ACSS1: variants seen among roughly 807,000 people sequenced by gnomAD.
The protein encoded by ACSS1 is acyl-CoA synthetase short chain family member 1.
In ACSS1, 42 loss-of-function variants were observed where a neutral mutation model predicts 75.3. The observed-to-expected ratio is 0.56, with a 90% CI of 0.44 to 0.72. ACSS1 has a LOEUF of 0.72. Ranked by LOEUF, ACSS1 falls within the 30% of genes least tolerant of loss-of-function variation. ACSS1 has a pLI of 0.00. For missense variants in ACSS1, 782 were observed against 935.7 expected (o/e 0.84, Z 2.14); for synonymous variants, 380 against 376.8 (o/e 1.01, Z -0.10).
At chr20:25,021,088 G>A (rs979078541) in intron 6 of ACSS1, among the ~76,000 whole-genome samples, 1 of 152,230 alleles carries the variant, frequency 6.6e-6, no homozygotes, top group Non-Finnish European at 1.5e-5. Context: ...CAGCCTAGAG[G>A]TGAGAAGGAT....
chr20:25,040,466 ACCTGCCTCGGGC>A (rs1205854635), intron 2 of ACSS1, among the ~76,000 whole-genome samples: 2 of 152,248 alleles, frequency 1.3e-5, no homozygotes, highest in Non-Finnish European at 2.9e-5. Flanking sequence ...CACTTGGCAT[ACCTGCCTCGGGC>A]CCAGCGACTT....
Position 25,018,827 on chromosome 20 carries a change from AT to A in ACSS1, c.1246+1182del, listed in dbSNP as rs142988427. Reference sequence around the variant, plus strand: ...ATAAGGGAAAAGAGGAGGAGGAGTCATTGGATGCCTGCTATTCCTCAGGAGC... The same window carrying A: ...ATAAGGGAAAAGAGGAGGAGGAGTCATGGATGCCTGCTATTCCTCAGGAGC... On this transcript the variant is annotated intron_variant, in intron 7 of 13. Transcript: ENST00000323482. Among the ~76,000 whole-genome samples the A allele has an allele frequency of 6.8e-3, 1,043 of 152,364 alleles. 13 individuals carry two copies. Among genetic ancestry groups the A allele is most frequent in the African/African-American group, 0.024 (996 of 41,584 alleles).
At chr20:25,012,768 C>T in intron 11 of ACSS1, 44 bp downstream of exon 11, 2 of 1,613,150 alleles carry the variant, frequency 1.2e-6, no homozygotes, top group Non-Finnish European at 1.7e-6. Context: ...ACAGGGGCAT[C>T]ATGGAGGTGT....
intron 1 of ACSS1, among the ~76,000 whole-genome samples, chr20:25,054,517 T>C (rs1600355031): frequency 2.6e-5 from 4 of 152,376 alleles, no homozygotes; most frequent in African/African-American, 9.6e-5. Context: ...TCAGGTCCCC[T>C]TCCCCAGGTC....
At position 25,043,046 on chromosome 20, in the gene ACSS1, C is replaced by G. The variant is rs534848638; in HGVS notation, c.431+5039G>C. Among the ~76,000 whole-genome samples, 13 of 152,262 alleles carry G rather than the reference C, an allele frequency of 8.5e-5. No individual in the cohort carries two copies. In the East Asian group the frequency reaches 2.5e-3, roughly 30 times the overall value. ...GCAGAGCACAGCCTCCTGCCTCCAC[C>G]AGGTCCTGGGCCCTGGCCCCTCCCC... On this transcript the variant is annotated intron_variant, in intron 2 of 13. Coordinates refer to ENST00000323482, the MANE Select transcript of ACSS1 (RefSeq NM_032501.4).
At chr20:25,010,528 C>G (rs1319536023) in intron 12 of ACSS1, 1 of 152,310 alleles carries the variant, frequency 6.6e-6, no homozygotes, top group African/African-American at 2.4e-5. Flanking sequence ...CTATTCATCC[C>G]TCAAGACTCA....
intron 1 of ACSS1, among the ~76,000 whole-genome samples, chr20:25,057,420 C>G (rs570678331): frequency 1.2e-3 from 184 of 152,322 alleles, no homozygotes; most frequent in Middle Eastern, 0.01. Flanking sequence ...CCCGCGGCTC[C>G]CCGCCGGCTC....
chr20:25,048,418 C>T (rs1461540981), intron 1 of ACSS1, among the ~76,000 whole-genome samples: 1 of 152,168 alleles, frequency 6.6e-6, no homozygotes, highest in African/African-American at 2.4e-5. Context: ...TTGCTTCACA[C>T]CAGTGGACCC....
chr20:25,033,877 C>G (rs1322287350), intron 2 of ACSS1, among the ~76,000 whole-genome samples: 4 of 152,128 alleles, frequency 2.6e-5, no homozygotes, highest in African/African-American at 9.7e-5. Flanking sequence ...CAGAAGTCAC[C>G]CAGTCATTGA....
chr20:25,032,374 A>C (rs1010707997), intron 2 of ACSS1: 1 of 1,369,170 alleles, frequency 7.3e-7, no homozygotes, highest in Non-Finnish European at 9.5e-7. Flanking sequence ...CTTGCCGGCC[A>C]TGCGGTGCGA....
intron 2 of ACSS1, chr20:25,031,162 G>C (rs1430802620): frequency 5.9e-6 from 4 of 675,128 alleles, no homozygotes; most frequent in Non-Finnish European, 1.1e-5. Flanking sequence ...TATTGGCAGA[G>C]ATTCACTGCC....
chr20:25,043,086 G>A (rs1357642015), intron 2 of ACSS1, among the ~76,000 whole-genome samples: 1 of 151,822 alleles, frequency 6.6e-6, no homozygotes, highest in Non-Finnish European at 1.5e-5. Flanking sequence ...CAGGGACAGG[G>A]CAGGCAGGGC....
chr20:25,048,044 G>A, intron 2 of ACSS1, 41 bp downstream of exon 2: 3 of 1,583,434 alleles, frequency 1.9e-6, no homozygotes, highest in Non-Finnish European at 2.6e-6. Flanking sequence ...GGACTGGGCT[G>A]GGCGCCTCCC....
intron 2 of ACSS1, chr20:25,046,549 G>C (rs1484472901): frequency 2.0e-6 from 1 of 505,820 alleles, no homozygotes; most frequent in Non-Finnish European, 3.6e-6. Flanking sequence ...GAGTGCCATG[G>C]CTGGGCCCTC....
At chr20:25,043,060 T>C (rs2089029491) in intron 2 of ACSS1, among the ~76,000 whole-genome samples, 1 of 151,996 alleles carries the variant, frequency 6.6e-6, no homozygotes, top group Non-Finnish European at 1.5e-5. Flanking sequence ...TCCTGGGCCC[T>C]GGCCCCTCCC....
chr20:25,037,000 GAAA>G (rs1568843580), intron 2 of ACSS1, among the ~76,000 whole-genome samples: 8 of 77,042 alleles, frequency 1.0e-4, no homozygotes, highest in African/African-American at 3.3e-4. Flanking sequence ...AAAGAAAGAA[GAAA>G]GAAAGGAAGG....
At chr20:25,050,933 G>A (rs1057187270) in intron 1 of ACSS1, among the ~76,000 whole-genome samples, 2 of 152,156 alleles carry the variant, frequency 1.3e-5, no homozygotes, top group Non-Finnish European at 2.9e-5. Flanking sequence ...TTCCAGGGCT[G>A]ACAGGTGGCC....
chr20:25,031,721 C>A (rs1042670386), intron 2 of ACSS1, among the ~76,000 whole-genome samples: 1 of 152,218 alleles, frequency 6.6e-6, no homozygotes, highest in Non-Finnish European at 1.5e-5. Context: ...GAACCCTCTC[C>A]TGGGATCCGG....
At chr20:25,045,462 C>T (rs754305257) in intron 2 of ACSS1, among the ~76,000 whole-genome samples, 18 of 152,236 alleles carry the variant, frequency 1.2e-4, no homozygotes, top group Non-Finnish European at 2.2e-4. Flanking sequence ...TTTCCCTTGC[C>T]AGGTCACCTG....
Sources: gnomAD v4.1 joint callset for allele counts (sites outside exome capture counted in the v4.1 genomes callset) on GRCh38, gnomAD v4.1.1 for gene constraint, MANE v1.5 for transcripts, NCBI Gene and HGNC (gene_info 2026-07-23, HGNC 2026-07-21) for gene names.